The following KLHL1 variants were observed in gnomAD, a reference collection of about 807,000 sequenced individuals.
The protein encoded by KLHL1 is kelch like family member 1.
A neutral mutation model predicts 77.7 loss-of-function variants in KLHL1; 47 were observed. That is an observed-to-expected ratio of 0.60 (90% CI 0.48 to 0.77). The LOEUF is 0.77. KLHL1 is among the 30% of genes least tolerant of loss of function. The pLI, the probability that KLHL1 is intolerant of heterozygous loss-of-function variation, is 0.00. For missense variants in KLHL1, 925 were observed against 910.8 expected, an observed-to-expected ratio of 1.02 and a Z score of -0.20; for synonymous variants, 360 against 325.2, an observed-to-expected ratio of 1.11 and a Z score of -1.15.
rs945910015 is a variant in KLHL1, at chr13:69,843,871, T to C, written c.1228-4709A>G. 2.6e-5 allele frequency among the ~76,000 whole-genome samples: 4 copies of C among 151,676 alleles called. No individual in the cohort carries two copies. The East Asian group carries it at 7.8e-4, about 29-fold the overall frequency. On this transcript the variant is annotated intron_variant, in intron 5 of 10. Coordinates refer to ENST00000377844, the MANE Select transcript of KLHL1 (RefSeq NM_020866.3). ...GCACAATGTGGAGGTTTGTTACATA[T>C]GTACACATGTGCCATGTTGGTGTGC...
Position 69,903,710 on chromosome 13 carries a change from C to T in KLHL1, c.1015-21215G>A, listed in dbSNP as rs1224776609. ...AGGCTGGAGTGCAGTAGTGGAATCTCGGCTCACTGCAACCTCCGCCTCCTG... is the reference window on the plus strand; with the variant it reads ...AGGCTGGAGTGCAGTAGTGGAATCTTGGCTCACTGCAACCTCCGCCTCCTG... On this transcript the variant is annotated intron_variant, in intron 4 of 10. Coordinates refer to ENST00000377844, the MANE Select transcript of KLHL1 (RefSeq NM_020866.3). Among the ~76,000 whole-genome samples the T allele has an allele frequency of 1.5e-4, 18 of 117,762 alleles. No homozygotes were observed. In the East Asian group the frequency reaches 4.8e-3, roughly 31 times the overall value. The allele number at this position is 117,762 out of a possible 152,430, so 77.3% of individuals were successfully genotyped here.
At chr13:69,979,865 AG>A (rs1161291313) in intron 1 of KLHL1, among the ~76,000 whole-genome samples, 1 of 152,192 alleles carries the variant, frequency 6.6e-6, no homozygotes, top group East Asian at 1.9e-4. Context: ...CTCAAACCAT[AG>A]CTATACTATT....
At chr13:69,778,432 T>A (rs1397453360) in intron 7 of KLHL1, among the ~76,000 whole-genome samples, 1 of 150,898 alleles carries the variant, frequency 6.6e-6, no homozygotes, top group East Asian at 1.9e-4. Context: ...GAAAGCACAA[T>A]ATAGAAAAAG....
intron 1 of KLHL1, among the ~76,000 whole-genome samples, chr13:70,036,835 C>CTTTTTTTTT (rs5804467): frequency 3.9e-5 from 2 of 50,684 alleles, no homozygotes; most frequent in Non-Finnish European, 7.3e-5. Flanking sequence ...ATGCCATGGT[C>CTTTTTTTTT]TTTTTTTTTT....
At chr13:69,897,115 A>T (rs548755267) in intron 4 of KLHL1, among the ~76,000 whole-genome samples, 6 of 152,322 alleles carry the variant, frequency 3.9e-5, no homozygotes, top group African/African-American at 1.4e-4. Flanking sequence ...TAATTTATTT[A>T]AAAATCAAAC....
intron 10 of KLHL1, among the ~76,000 whole-genome samples, chr13:69,702,390 C>T (rs1390760441): frequency 6.6e-6 from 1 of 151,570 alleles, no homozygotes; most frequent in Non-Finnish European, 1.5e-5. Flanking sequence ...ATAATTTTTA[C>T]AGAGTTTGTA....
At chr13:70,094,726 C>T (rs1045460901) in intron 1 of KLHL1, among the ~76,000 whole-genome samples, 3 of 152,026 alleles carry the variant, frequency 2.0e-5, no homozygotes, top group Admixed American at 1.3e-4. Flanking sequence ...GCTTCCTTAG[C>T]CGGCCAAGTG....
At chr13:70,024,936 T>C (rs1355372257) in intron 1 of KLHL1, among the ~76,000 whole-genome samples, 1 of 151,934 alleles carries the variant, frequency 6.6e-6, no homozygotes, top group Non-Finnish European at 1.5e-5. Flanking sequence ...CCAGGAATAA[T>C]AATAGCTAAC....
At chr13:70,070,310 A>G (rs1470126512) in intron 1 of KLHL1, among the ~76,000 whole-genome samples, 1 of 152,056 alleles carries the variant, frequency 6.6e-6, no homozygotes, top group Non-Finnish European at 1.5e-5. Context: ...TTCATAATAA[A>G]ACTTCAGAAA....
intron 6 of KLHL1, among the ~76,000 whole-genome samples, chr13:69,806,076 A>C (rs893575941): frequency 1.3e-5 from 2 of 152,338 alleles, no homozygotes; most frequent in African/African-American, 4.8e-5. Context: ...AATACATATG[A>C]GTATTTTTAA....
rs143745009 is a variant in KLHL1, at chr13:70,052,454, TA to T, written c.497+54748del. ...GATAATAGCTGAACTACAAGAAAATTAAAAAAAACCCTTATATATTTTATCT... is the reference window on the plus strand; with the variant it reads ...GATAATAGCTGAACTACAAGAAAATTAAAAAAACCCTTATATATTTTATCT... On this transcript the variant is annotated intron_variant, in intron 1 of 10. Transcript: ENST00000377844. Among the ~76,000 whole-genome samples the T allele has an allele frequency of 4.0e-5, 6 of 151,558 alleles. No homozygotes were observed. The East Asian group carries it at 1.2e-3, about 29-fold the overall frequency.
At chr13:69,872,022 G>A (rs188981133) in intron 5 of KLHL1, among the ~76,000 whole-genome samples, 2 of 152,144 alleles carry the variant, frequency 1.3e-5, no homozygotes, top group East Asian at 3.9e-4. Flanking sequence ...TCAATTTTCT[G>A]CCTAAGTCTG....
intron 7 of KLHL1, among the ~76,000 whole-genome samples, chr13:69,789,193 A>T (rs1465547181): frequency 3.3e-5 from 5 of 152,116 alleles, no homozygotes; most frequent in African/African-American, 1.2e-4. Context: ...AATCTTTAGG[A>T]TCGATCTATG....
intron 5 of KLHL1, among the ~76,000 whole-genome samples, chr13:69,855,125 T>C (rs1205372414): frequency 2.6e-5 from 4 of 152,022 alleles, no homozygotes; most frequent in African/African-American, 9.7e-5. Flanking sequence ...ATGCTAAAGT[T>C]GAAATCTATA....
chr13:69,701,698 T>C lies in KLHL1; in HGVS notation c.*4A>G. ...AAAATCTTTCCAAGTAAAATATCAA[T>C]AAGTCAAGGTTGCTTGATGACTACC... On this transcript the variant is annotated 3_prime_UTR_variant, in exon 11 of 11. Transcript: ENST00000377844. 1 of 1,599,964 alleles carries C rather than the reference T, an allele frequency of 6.3e-7. No individual in the cohort carries two copies. Among genetic ancestry groups the C allele is most frequent in the Non-Finnish European group, 8.5e-7 (1 of 1,170,222 alleles).
At chr13:69,708,494 G>T (rs1333314257) in intron 9 of KLHL1, among the ~76,000 whole-genome samples, 1 of 152,016 alleles carries the variant, frequency 6.6e-6, no homozygotes, top group Admixed American at 6.6e-5. Flanking sequence ...GAAACTTGGA[G>T]AAATAATTAT....
intron 4 of KLHL1, among the ~76,000 whole-genome samples, chr13:69,925,513 T>TGCAGCTCTTATAAATAA (rs1882786544): frequency 6.6e-6 from 1 of 152,208 alleles, no homozygotes; most frequent in Non-Finnish European, 1.5e-5. Flanking sequence ...GACACATATA[T>TGCAGCTCTTATAAATAA]GACAGTATCA....
At position 70,048,702 on chromosome 13, in the gene KLHL1, G is replaced by C. The variant is rs1886557928; in HGVS notation, c.497+58501C>G. On this transcript the variant is annotated intron_variant, in intron 1 of 10. Transcript: ENST00000377844. Reference sequence around the variant, plus strand: ...TCTGTGAGAATCTAATGCAGCCTCTGATCTGACAGGAGGAAGAGTTCAGGC... The same window carrying C: ...TCTGTGAGAATCTAATGCAGCCTCTCATCTGACAGGAGGAAGAGTTCAGGC... Among the ~76,000 whole-genome samples, 3 of 152,178 alleles carry C rather than the reference G, an allele frequency of 2.0e-5. No homozygotes were observed. The South Asian group carries it at 6.2e-4, about 31-fold the overall frequency.
intron 3 of KLHL1, among the ~76,000 whole-genome samples, chr13:69,957,315 C>G (rs938051346): frequency 5.3e-5 from 8 of 151,696 alleles, no homozygotes; most frequent in Non-Finnish European, 7.4e-5. Context: ...TTATGCCCTG[C>G]TCCACATAAT....
Sources: gnomAD v4.1 joint callset for allele counts (sites outside exome capture counted in the v4.1 genomes callset) on GRCh38, gnomAD v4.1.1 for gene constraint, MANE v1.5 for transcripts, NCBI Gene and HGNC (gene_info 2026-07-23, HGNC 2026-07-21) for gene names.